CAST: variants seen among roughly 807,000 people sequenced by gnomAD.
The protein encoded by CAST is calpastatin, also known as MIR583 host.
A neutral mutation model predicts 119.6 loss-of-function variants in CAST; 76 were observed. The observed-to-expected ratio is 0.64, with a 90% CI of 0.53 to 0.77. The LOEUF is 0.77. Among genes scored for constraint, CAST ranks in the 30% least tolerant of loss-of-function variants. The pLI, the probability that CAST is intolerant of heterozygous loss-of-function variation, is 0.00. For synonymous variants in CAST, 319 were observed against 331.6 expected (o/e 0.96, Z 0.41); for missense variants, 953 against 946.5 (o/e 1.01, Z -0.09).
chr5:95,962,828 A>C, the CAST span, among the ~76,000 whole-genome samples: 1 of 152,166 alleles, frequency 6.6e-6, no homozygotes. Flanking sequence ...TGTCCTTTTT[A>C]TTTGATAGGG....
chr5:96,037,790 T>C, the CAST span, among the ~76,000 whole-genome samples: 1 of 152,132 alleles, frequency 6.6e-6, no homozygotes, highest in African/African-American at 2.4e-5. Context: ...AACTCTCATA[T>C]GGTGGTGGTT....
At chr5:96,732,055 C>A (rs1760637965) in intron 9 of CAST, among the ~76,000 whole-genome samples, 1 of 150,418 alleles carries the variant, frequency 6.6e-6, no homozygotes, top group Non-Finnish European at 1.5e-5. Context: ...ATTTCTAGTT[C>A]TAGATCCCTG....
intron 20 of CAST, among the ~76,000 whole-genome samples, chr5:96,752,550 ATAACCTCAGGGATTTTTTTTTTTT>A (rs1160797427): frequency 1.7e-4 from 10 of 57,984 alleles, no homozygotes; most frequent in East Asian, 1.6e-3. Flanking sequence ...AACCTCAGGG[ATAACCTCAGGGATTTTTTTTTTTT>A]TTTTTTTTTT....
intron 1 of CAST, among the ~76,000 whole-genome samples, chr5:96,543,041 C>T (rs931972236): frequency 2.0e-5 from 3 of 152,042 alleles, no homozygotes; most frequent in African/African-American, 7.2e-5. Context: ...GGATATATAC[C>T]CAAAGGATTA....
chr5:96,365,904 T>C, the CAST span, among the ~76,000 whole-genome samples: 1 of 152,246 alleles, frequency 6.6e-6, no homozygotes, highest in African/African-American at 2.4e-5. Flanking sequence ...CATTAGTTGA[T>C]GCAGTTTCTT....
At chr5:96,654,687 G>C (rs1748133808) in intron 1 of CAST, among the ~76,000 whole-genome samples, 1 of 151,942 alleles carries the variant, frequency 6.6e-6, no homozygotes, top group Non-Finnish European at 1.5e-5. Flanking sequence ...ATCAAAATTG[G>C]AAAATGAAAA....
the CAST span, among the ~76,000 whole-genome samples, chr5:96,380,202 A>G: frequency 1.2e-4 from 19 of 152,164 alleles, 1 homozygote; most frequent in Admixed American, 9.8e-4. Context: ...ATGGTACAAA[A>G]GCTATTGGTG....
the CAST span, among the ~76,000 whole-genome samples, chr5:96,261,227 A>T: frequency 6.6e-6 from 1 of 152,220 alleles, no homozygotes; most frequent in African/African-American, 2.4e-5. Context: ...CAATGATGAA[A>T]ATGTTGTATT....
the CAST span, among the ~76,000 whole-genome samples, chr5:96,141,876 G>A: frequency 0.016 from 2,389 of 152,290 alleles, 49 homozygotes; most frequent in African/African-American, 0.054. Flanking sequence ...TGTTAGGAGG[G>A]TGTGTAGCCG....
the CAST span, among the ~76,000 whole-genome samples, chr5:96,222,410 C>A: frequency 6.6e-6 from 1 of 151,798 alleles, no homozygotes. Context: ...AACAACACAA[C>A]AATTAAAAAA....
At chr5:96,257,026 G>A in the CAST span, among the ~76,000 whole-genome samples, 6 of 150,556 alleles carry the variant, frequency 4.0e-5, no homozygotes, top group Admixed American at 1.3e-4. Context: ...CCCAGATGGC[G>A]CTGTGATTCA....
the CAST span, among the ~76,000 whole-genome samples, chr5:96,084,299 C>T: frequency 6.6e-6 from 1 of 152,002 alleles, no homozygotes; most frequent in Admixed American, 6.6e-5. Flanking sequence ...CTTTAGTAGG[C>T]AAGGTATGTT....
intron 1 of CAST, among the ~76,000 whole-genome samples, chr5:96,654,057 C>T (rs139303219): frequency 0.018 from 2,485 of 138,640 alleles, 77 homozygotes; most frequent in African/African-American, 0.065. Context: ...CGGAGTCTCA[C>T]TCTGTTGCCC....
At chr5:96,509,744 A>C in the CAST span, among the ~76,000 whole-genome samples, 36 of 152,346 alleles carry the variant, frequency 2.4e-4, 1 homozygote, top group Admixed American at 1.2e-3. Context: ...TCTAAAACGG[A>C]ATTTACACAA....
upstream of CAST, chr5:96,529,675 G>C (rs1413294930): frequency 3.5e-6 from 1 of 289,114 alleles, no homozygotes; most frequent in Non-Finnish European, 7.0e-6. Flanking sequence ...TCATGGGAGG[G>C]ACTAGATGGA....
the CAST span, among the ~76,000 whole-genome samples, chr5:96,114,309 A>G: frequency 9.2e-5 from 14 of 152,208 alleles, no homozygotes; most frequent in Admixed American, 3.3e-4. Flanking sequence ...GGCAGAATTC[A>G]GTCCTCTTAT....
At chr5:96,088,820 C>T in the CAST span, among the ~76,000 whole-genome samples, 1 of 152,024 alleles carries the variant, frequency 6.6e-6, no homozygotes, top group African/African-American at 2.4e-5. Flanking sequence ...TTTGAATGCT[C>T]CTGCTTGGGG....
At chr5:96,167,728 G>A in the CAST span, among the ~76,000 whole-genome samples, 2 of 152,154 alleles carry the variant, frequency 1.3e-5, no homozygotes, top group East Asian at 1.9e-4. Context: ...AAATGACGGC[G>A]GTGGCCTTCT....
the CAST span, chr5:96,278,615 T>C: frequency 6.6e-6 from 1 of 152,198 alleles, no homozygotes; most frequent in Non-Finnish European, 1.5e-5. Context: ...ATGGGATTGC[T>C]TATTTCCATC....
Sources: gnomAD v4.1 joint callset for allele counts (sites outside exome capture counted in the v4.1 genomes callset) on GRCh38, gnomAD v4.1.1 for gene constraint, MANE v1.5 for transcripts, NCBI Gene and HGNC (gene_info 2026-07-23, HGNC 2026-07-21) for gene names.